NFIA: variants seen among roughly 807,000 people sequenced by gnomAD.
The protein encoded by NFIA is nuclear factor I A.
NFIA carries 8 observed loss-of-function variants against 62.8 expected under a neutral mutation model. The ratio of observed to expected loss-of-function variants is 0.13; its 90% CI spans 0.07 to 0.23. NFIA has a LOEUF of 0.23. NFIA is among the 10% of genes least tolerant of loss of function. The pLI is 1.00. For missense variants in NFIA, 410 were observed against 642.1 expected, an observed-to-expected ratio of 0.64 and a Z score of 3.91; for synonymous variants, 235 against 238.1, an observed-to-expected ratio of 0.99 and a Z score of 0.12.
At chr1:61,135,884 C>T (rs935382044) in intron 2 of NFIA, among the ~76,000 whole-genome samples, 3 of 152,086 alleles carry the variant, frequency 2.0e-5, no homozygotes, top group South Asian at 2.1e-4. Context: ...CCATAGAGCA[C>T]GCATTTTAAA....
Position 61,455,745 on chromosome 1 carries a change from G to A in NFIA, c.*425G>A, listed in dbSNP as rs139459949. ...TACCCACACAGGTGTGATCCTCCTT[G>A]AGCATTGAGGAGGCACATGGAGAAC... On this transcript the variant is annotated 3_prime_UTR_variant, in exon 11 of 11. Coordinates refer to ENST00000403491, the MANE Select transcript of NFIA (RefSeq NM_001134673.4). 6.8e-5 allele frequency: 14 copies of A among 204,818 alleles called. No individual in the cohort carries two copies. The highest frequency in any genetic ancestry group is 3.0e-4 in the African/African-American group (13 of 43,528). The allele number at this position is 204,818 out of a possible 1,614,324, so 12.7% of individuals were successfully genotyped here. A position where few individuals can be genotyped will look rare whatever the true frequency, so the allele number is the denominator to read the frequency against.
chr1:61,124,083 CA>C (rs1352097538), intron 2 of NFIA, among the ~76,000 whole-genome samples: 6 of 152,074 alleles, frequency 3.9e-5, no homozygotes, highest in Admixed American at 6.5e-5. Context: ...AATAATGAGC[CA>C]TTAGGATCAT....
chr1:61,154,707 C>T (rs1458028092), intron 2 of NFIA, among the ~76,000 whole-genome samples: 2 of 152,214 alleles, frequency 1.3e-5, no homozygotes, highest in African/African-American at 4.8e-5. Flanking sequence ...CTGCCTCACC[C>T]TCCCCAAGCG....
At chr1:61,406,838 C>A in intron 9 of NFIA, 111 bp downstream of exon 9, 1 of 1,242,442 alleles carries the variant, frequency 8.0e-7, no homozygotes, top group Non-Finnish European at 1.1e-6. Context: ...CACAGATCCC[C>A]AGTGATGTTG....
chr1:61,332,596 AT>A lies in NFIA; in HGVS notation c.700+14del. The A allele has an allele frequency of 6.2e-7, 1 of 1,613,032 alleles. No homozygotes were observed. The highest frequency in any genetic ancestry group is 8.5e-7 in the Non-Finnish European group (1 of 1,179,252). ...GTAAGAGTGTCACAGAGTAAGTATAATTTTGCTTTGATTTGGTACAGATTTG... is the reference window on the plus strand; with the variant it reads ...GTAAGAGTGTCACAGAGTAAGTATAATTTGCTTTGATTTGGTACAGATTTG... On this transcript the variant is annotated intron_variant, in intron 4 of 10. Transcript: ENST00000403491.
At chr1:61,443,409 A>G (rs1210140204) in intron 10 of NFIA, among the ~76,000 whole-genome samples, 2 of 152,116 alleles carry the variant, frequency 1.3e-5, no homozygotes, top group Non-Finnish European at 2.9e-5. Context: ...GATTCACCAC[A>G]CACTCCTAGT....
intron 2 of NFIA, among the ~76,000 whole-genome samples, chr1:61,093,870 A>G (rs1354840805): frequency 1.3e-5 from 2 of 152,166 alleles, no homozygotes; most frequent in East Asian, 3.8e-4. Context: ...ATTTAAACCT[A>G]TTTAAGGCTA....
At chr1:61,370,200 A>C (rs2100462233) in intron 6 of NFIA, among the ~76,000 whole-genome samples, 1 of 152,334 alleles carries the variant, frequency 6.6e-6, no homozygotes, top group African/African-American at 2.4e-5. Context: ...AATAATGCCT[A>C]TTTATCCAGC....
intron 2 of NFIA, among the ~76,000 whole-genome samples, chr1:61,276,555 A>G (rs1657818074): frequency 6.6e-6 from 1 of 152,194 alleles, no homozygotes; most frequent in Non-Finnish European, 1.5e-5. Flanking sequence ...CTTTTGAACA[A>G]TGTTGTAAAC....
chr1:61,302,083 A>G (rs767339730), intron 3 of NFIA, among the ~76,000 whole-genome samples: 26 of 152,172 alleles, frequency 1.7e-4, no homozygotes, highest in Non-Finnish European at 3.1e-4. Context: ...GTGTGAAGGT[A>G]TGTGTTGTGA....
At chr1:61,363,941 A>C (rs1311918657) in intron 6 of NFIA, among the ~76,000 whole-genome samples, 2 of 126,876 alleles carry the variant, frequency 1.6e-5, no homozygotes, top group Non-Finnish European at 1.6e-5. Context: ...TTACATCTGC[A>C]TCTACTATTT....
rs1039348632 is a variant in NFIA, at chr1:61,458,027, G to A, written c.*2707G>A. 6.6e-6 allele frequency: 1 copy of A among 151,932 alleles called. No individual in the cohort carries two copies. The highest frequency in any genetic ancestry group is 2.4e-5 in the African/African-American group (1 of 41,386). The allele number at this position is 151,932 out of a possible 1,614,324, so 9.4% of individuals were successfully genotyped here. A position where few individuals can be genotyped will look rare whatever the true frequency, so the allele number is the denominator to read the frequency against. ...AAAAAAAAATAAAATAAAACATTTT[G>A]GATTTTCATATGTGTCTGATAAGTG... On this transcript the variant is annotated 3_prime_UTR_variant, in exon 11 of 11. Coordinates refer to ENST00000403491, the MANE Select transcript of NFIA (RefSeq NM_001134673.4).
At chr1:61,284,826 CA>C (rs1658381349) in intron 3 of NFIA, among the ~76,000 whole-genome samples, 1 of 152,002 alleles carries the variant, frequency 6.6e-6, no homozygotes, top group Admixed American at 6.6e-5. Context: ...CAAAGAGTTA[CA>C]CAGGAAAGAA....
At chr1:61,366,129 G>A (rs957243916) in intron 6 of NFIA, among the ~76,000 whole-genome samples, 2 of 152,136 alleles carry the variant, frequency 1.3e-5, no homozygotes, top group African/African-American at 4.8e-5. Context: ...AGGCAGCTCT[G>A]TGGCTGTTCT....
intron 2 of NFIA, among the ~76,000 whole-genome samples, chr1:61,221,979 G>A (rs59708846): frequency 0.064 from 9,714 of 152,186 alleles, 352 homozygotes; most frequent in Non-Finnish European, 0.071. Flanking sequence ...TTAAAACTGA[G>A]CGTTTGGTCT....
chr1:61,426,567 C>G lies in NFIA; in HGVS notation c.1512+11C>G. Reference sequence around the variant, plus strand: ...CCTCAACAGACACAGGTGGGCCGCTCTCATCTTTTCTGTATGTGGTGCAGC... The same window carrying G: ...CCTCAACAGACACAGGTGGGCCGCTGTCATCTTTTCTGTATGTGGTGCAGC... On this transcript the variant is annotated intron_variant, in intron 10 of 10. Coordinates refer to ENST00000403491, the MANE Select transcript of NFIA (RefSeq NM_001134673.4). The G allele has an allele frequency of 6.5e-7, 1 of 1,540,214 alleles. No homozygotes were observed. Among genetic ancestry groups the G allele is most frequent in the African/African-American group, 1.4e-5 (1 of 72,860 alleles).
chr1:61,320,384 G>C (rs1470421103), intron 3 of NFIA, among the ~76,000 whole-genome samples: 1 of 152,186 alleles, frequency 6.6e-6, no homozygotes, highest in South Asian at 2.1e-4. Flanking sequence ...GTGAATTTTG[G>C]CATCGATAAC....
intron 6 of NFIA, among the ~76,000 whole-genome samples, chr1:61,373,647 A>G (rs985980216): frequency 2.6e-5 from 4 of 152,168 alleles, no homozygotes; most frequent in Admixed American, 6.6e-5. Flanking sequence ...ATCAAGGCTA[A>G]TGTTATATGC....
chr1:61,245,176 A>C (rs1005688095), intron 2 of NFIA, among the ~76,000 whole-genome samples: 6 of 152,140 alleles, frequency 3.9e-5, no homozygotes, highest in Admixed American at 2.6e-4. Context: ...TAAAATTTAG[A>C]TGGGTTTTTC....
Sources: gnomAD v4.1 joint callset for allele counts (sites outside exome capture counted in the v4.1 genomes callset) on GRCh38, gnomAD v4.1.1 for gene constraint, MANE v1.5 for transcripts, NCBI Gene and HGNC (gene_info 2026-07-23, HGNC 2026-07-21) for gene names.